Variants in TMEM165 observed in about 807,000 individuals in gnomAD.
TMEM165 encodes the protein transmembrane protein 165.
In TMEM165, 19 loss-of-function variants were observed where a neutral mutation model predicts 30.0. The observed-to-expected ratio is 0.63, with a 90% confidence interval of 0.44 to 0.93. TMEM165 has a LOEUF of 0.93. Among genes scored for constraint, TMEM165 ranks in the 40% least tolerant of loss-of-function variants. TMEM165 has a pLI of 0.00. For missense variants in TMEM165, 340 were observed against 417.0 expected (o/e 0.82, Z 1.61); for synonymous variants, 168 against 162.9 (o/e 1.03, Z -0.24).
At chr4:55,418,521 GAA>G (rs57262129) in intron 4 of TMEM165, among the ~76,000 whole-genome samples, 7 of 124,658 alleles carry the variant, frequency 5.6e-5, no homozygotes, top group Admixed American at 1.6e-4. Context: ...GACCCAGTCT[GAA>G]AAAAAAAAAA....
At chr4:55,435,546 CAG>C in intron 3 of TMEM165, 1 of 1,613,986 alleles carries the variant, frequency 6.2e-7, no homozygotes, top group Non-Finnish European at 8.5e-7. Context: ...GGAAATGCAG[CAG>C]AGAGAATGAG....
chr4:55,399,430 G>C (rs1720862260), intron 1 of TMEM165, among the ~76,000 whole-genome samples: 2 of 152,130 alleles, frequency 1.3e-5, no homozygotes, highest in Admixed American at 1.3e-4. Context: ...TTAATTCTTA[G>C]TGTTCATCTT....
At chr4:55,406,738 C>T (rs1259734586) in intron 1 of TMEM165, among the ~76,000 whole-genome samples, 5 of 152,162 alleles carry the variant, frequency 3.3e-5, no homozygotes, top group African/African-American at 7.2e-5. Context: ...CTGCTCACTG[C>T]AACTTGTACC....
Position 55,401,475 on chromosome 4 carries a change from A to G in TMEM165, c.207+5079A>G, listed in dbSNP as rs1342655286. ...TATTGCATATTCTGGAAGTCCAAAG[A>G]AGAATGACTCTGGTTGCATAGCACT... On this transcript the variant is annotated intron_variant, in intron 1 of 5. Transcript: ENST00000381334. Among the ~76,000 whole-genome samples the G allele has an allele frequency of 1.3e-5, 2 of 150,770 alleles. 1 individual carries two copies. The highest frequency in any genetic ancestry group is 5.0e-5 in the African/African-American group (2 of 40,082).
chr4:55,421,166 CAAAAAAAAA>C (rs71194559), intron 4 of TMEM165, among the ~76,000 whole-genome samples: 2 of 83,494 alleles, frequency 2.4e-5, no homozygotes, highest in East Asian at 3.7e-4. Flanking sequence ...GATTCCATCT[CAAAAAAAAA>C]AAAAAAAAAA....
At chr4:55,409,321 A>G (rs867891849) in intron 1 of TMEM165, among the ~76,000 whole-genome samples, 5 of 152,216 alleles carry the variant, frequency 3.3e-5, no homozygotes, top group Admixed American at 2.6e-4. Context: ...CTAAGAATTT[A>G]TGATTTTATT....
At chr4:55,412,416 A>AAAAAC (rs1721548190) in intron 2 of TMEM165, among the ~76,000 whole-genome samples, 1 of 150,666 alleles carries the variant, frequency 6.6e-6, no homozygotes, top group Non-Finnish European at 1.5e-5. Flanking sequence ...AAAAAAAAAA[A>AAAAAC]AGGGAGACTG....
At chr4:55,414,157 C>T (rs1721629811) in intron 2 of TMEM165, among the ~76,000 whole-genome samples, 1 of 151,882 alleles carries the variant, frequency 6.6e-6, no homozygotes, top group South Asian at 2.1e-4. Context: ...GTAGTCCTAG[C>T]TACTTGGGAG....
chr4:55,446,152 G>A (rs1366922735), intron 3 of TMEM165, among the ~76,000 whole-genome samples: 1 of 143,692 alleles, frequency 7.0e-6, no homozygotes, highest in Non-Finnish European at 1.5e-5. Flanking sequence ...GGAATGCAGT[G>A]GTGTGATCAC....
chr4:55,400,296 A>AATATATATAATATATAATATTAT (rs1176552286), intron 1 of TMEM165, among the ~76,000 whole-genome samples: 1 of 103,600 alleles, frequency 9.7e-6, no homozygotes, highest in African/African-American at 4.5e-5. Context: ...TATTATATAT[A>AATATATATAATATATAATATTAT]ATATTATATA....
chr4:55,411,916 A>G (rs1721518577), intron 2 of TMEM165, 77 bp downstream of exon 2: 5 of 1,373,430 alleles, frequency 3.6e-6, no homozygotes, highest in Non-Finnish European at 5.2e-6. Flanking sequence ...TCACTGAGTC[A>G]TTAACCTAGT....
intron 3 of TMEM165, chr4:55,438,306 G>C: frequency 1.2e-6 from 2 of 1,614,098 alleles, no homozygotes; most frequent in South Asian, 2.2e-5. Context: ...GCGGTGGCTG[G>C]GTCAGCTGAG....
intron 3 of TMEM165, chr4:55,431,379 T>C (rs1344857720): frequency 6.6e-6 from 1 of 152,216 alleles, no homozygotes; most frequent in African/African-American, 2.4e-5. Context: ...ATATTAAATA[T>C]ACTATAAAAA....
intron 1 of TMEM165, among the ~76,000 whole-genome samples, chr4:55,406,460 G>A (rs1339563890): frequency 6.6e-6 from 1 of 152,022 alleles, no homozygotes; most frequent in Non-Finnish European, 1.5e-5. Context: ...TTCTTGAGAC[G>A]TGGTGTGTAT....
intron 5 of TMEM165, 119 bp from the exon 6 acceptor site, chr4:55,425,257 C>T (rs1722145360): frequency 1.3e-6 from 1 of 746,342 alleles, no homozygotes; most frequent in Non-Finnish European, 2.2e-6. Context: ...AATTTGTTTT[C>T]AAGGTTAGTT....
chr4:55,442,592 G>C lies in TMEM165; in HGVS notation c.409-9647G>C, dbSNP rs750872594. The C allele has an allele frequency of 6.2e-6, 10 of 1,612,620 alleles. No homozygotes were observed. The Admixed American group carries it at 1.7e-4, about 27-fold the overall frequency. On this transcript the variant is annotated intron_variant, in intron 3 of 3. Transcript: ENST00000608091. ...AGAGTGCTCTGTGTCTGACTGGGTA[G>C]AGATGTTTGCTGACTGTGCCCACTC...
intron 3 of TMEM165, among the ~76,000 whole-genome samples, chr4:55,446,109 T>TC (rs1193738723): frequency 6.7e-6 from 1 of 149,998 alleles, no homozygotes; most frequent in Non-Finnish European, 1.5e-5. Context: ...TTCTTTTTTT[T>TC]TTTTTTTTTT....
intron 3 of TMEM165, among the ~76,000 whole-genome samples, chr4:55,450,700 C>T (rs1002071526): frequency 2.0e-5 from 3 of 151,356 alleles, no homozygotes; most frequent in South Asian, 2.1e-4. Flanking sequence ...ACTGAGGAGG[C>T]GGAGGATGTA....
chr4:55,422,786 A>ACTAC (rs1341642477), intron 4 of TMEM165, among the ~76,000 whole-genome samples: 2 of 151,830 alleles, frequency 1.3e-5, no homozygotes, highest in Admixed American at 1.3e-4. Context: ...AGTAGTTGGG[A>ACTAC]CTACAGGTGC....
Sources: allele counts gnomAD v4.1 joint callset (sites outside exome capture counted in the v4.1 genomes callset), GRCh38; gene constraint gnomAD v4.1.1; transcripts MANE v1.5; gene names NCBI Gene and HGNC (gene_info 2026-07-23, HGNC 2026-07-21).